TMEM120B: variants seen among roughly 807,000 people sequenced by gnomAD.
TMEM120B encodes transmembrane protein 120B.
In TMEM120B, 31 loss-of-function variants were observed where a neutral mutation model predicts 55.5. The observed-to-expected ratio is 0.56, with a 90% CI of 0.42 to 0.75. TMEM120B has a LOEUF of 0.75. TMEM120B is among the 30% of genes least tolerant of loss of function. The pLI, the probability that TMEM120B is intolerant of heterozygous loss-of-function variation, is 0.00. For synonymous variants in TMEM120B, 203 were observed against 176.3 expected, an observed-to-expected ratio of 1.15 and a Z score of -1.20; for missense variants, 399 against 425.5, an observed-to-expected ratio of 0.94 and a Z score of 0.55.
At chr12:121,738,052 A>C (rs138980528) in intron 1 of TMEM120B, among the ~76,000 whole-genome samples, 1,871 of 151,096 alleles carry the variant, frequency 0.012, 20 homozygotes, top group Non-Finnish European at 0.02. Flanking sequence ...ACAGTGGCTC[A>C]CACCTGTAAT....
chr12:121,773,321 C>A, intron 8 of TMEM120B, 100 bp from the exon 9 acceptor site: 1 of 1,077,112 alleles, frequency 9.3e-7, no homozygotes, highest in Non-Finnish European at 1.4e-6. Context: ...TCTGCTTCTG[C>A]CCAGTAAAGA....
At chr12:121,714,829 G>T (rs1207533179) in intron 1 of TMEM120B, among the ~76,000 whole-genome samples, 1 of 149,846 alleles carries the variant, frequency 6.7e-6, no homozygotes, top group African/African-American at 2.5e-5. Flanking sequence ...CAAAGTGCTG[G>T]GATTACAGTA....
intron 1 of TMEM120B, among the ~76,000 whole-genome samples, chr12:121,715,102 C>T (rs1894675703): frequency 6.6e-6 from 1 of 152,022 alleles, no homozygotes; most frequent in Non-Finnish European, 1.5e-5. Context: ...CTTTGGGAGA[C>T]CGAGGCGGGT....
Position 121,712,952 on chromosome 12 carries a change from T to C in TMEM120B, c.57T>C (p.Phe19=), listed in dbSNP as rs759434929. The part of the protein sequence containing the change: ...EREWHELEGE[F]QELQETHRIY... ...AATGGCACGAGCTGGAGGGAGAATT[T>C]CAAGAACTGCAGGTAGGGCCAGGCC... The change falls in exon 1 of 12, where the codon TTT becomes TTC. Residue 19 remains phenylalanine, a synonymous_variant. Coordinates refer to ENST00000449592, the MANE Select transcript of TMEM120B (RefSeq NM_001080825.2). The C allele has an allele frequency of 6.5e-7, 1 of 1,543,420 alleles. No individual in the cohort carries two copies. The highest frequency in any genetic ancestry group is 2.2e-5 in the Admixed American group (1 of 46,172).
At chr12:121,750,534 A>C in intron 4 of TMEM120B, 95 bp downstream of exon 4, 1 of 824,576 alleles carries the variant, frequency 1.2e-6, no homozygotes, top group Non-Finnish European at 1.9e-6. Flanking sequence ...CCCACACCCC[A>C]CATCCACACC....
At chr12:121,749,062 T>C (rs1873192646) in intron 3 of TMEM120B, among the ~76,000 whole-genome samples, 1 of 152,188 alleles carries the variant, frequency 6.6e-6, no homozygotes, top group Non-Finnish European at 1.5e-5. Context: ...GCACAGTCAG[T>C]TCACCCTGAC....
intron 9 of TMEM120B, 124 bp downstream of exon 9, chr12:121,773,637 G>A (rs1363483287): frequency 1.5e-6 from 1 of 683,130 alleles, no homozygotes. Context: ...TTTATCCGAA[G>A]CGCCTTCCAG....
intron 6 of TMEM120B, among the ~76,000 whole-genome samples, chr12:121,762,103 C>T (rs963397321): frequency 4.6e-5 from 7 of 152,006 alleles, no homozygotes; most frequent in African/African-American, 1.4e-4. Flanking sequence ...CCAGTCTGGC[C>T]AACATAGTGA....
intron 1 of TMEM120B, among the ~76,000 whole-genome samples, chr12:121,727,049 T>G (rs1894910044): frequency 6.8e-6 from 1 of 147,888 alleles, no homozygotes; most frequent in Non-Finnish European, 1.5e-5. Flanking sequence ...AATACAAAAA[T>G]TAGTCAGTTT....
intron 6 of TMEM120B, among the ~76,000 whole-genome samples, chr12:121,766,196 G>A (rs980133525): frequency 2.0e-5 from 3 of 152,098 alleles, no homozygotes; most frequent in Non-Finnish European, 4.4e-5. Flanking sequence ...GTGGTCAGGG[G>A]AGCAGGTAGG....
intron 1 of TMEM120B, among the ~76,000 whole-genome samples, chr12:121,716,419 G>C (rs185253970): frequency 1.3e-5 from 2 of 151,816 alleles, no homozygotes; most frequent in Admixed American, 1.3e-4. Context: ...TTTTCTACTA[G>C]AAAATCCTGG....
Position 121,779,404 on chromosome 12 carries a change from G to A in TMEM120B, c.*3682G>A. 2.2e-6 allele frequency: 3 copies of A among 1,354,888 alleles called. No individual in the cohort carries two copies. The East Asian group carries it at 7.0e-5, about 32-fold the overall frequency. 83.9% of individuals were successfully genotyped at this position (1,354,888 alleles called of 1,614,324 possible). A position where few individuals can be genotyped will look rare whatever the true frequency, so the allele number is the denominator to read the frequency against. On this transcript the variant is annotated 3_prime_UTR_variant, in exon 12 of 12. Coordinates refer to ENST00000449592, the MANE Select transcript of TMEM120B (RefSeq NM_001080825.2). The stretch of plus-strand genomic sequence containing the variant: ...TAGCCGCAGGCCCCAGACACCATGA[G>A]CTGGAGGGTCGGGATGGGGCAGCCT...
At chr12:121,738,921 T>C (rs1417535320) in intron 1 of TMEM120B, among the ~76,000 whole-genome samples, 2 of 152,126 alleles carry the variant, frequency 1.3e-5, no homozygotes, top group Non-Finnish European at 2.9e-5. Context: ...GCATGGTGGC[T>C]CATGCCTGTA....
chr12:121,744,223 C>T (rs147653552), intron 2 of TMEM120B, among the ~76,000 whole-genome samples: 58 of 152,138 alleles, frequency 3.8e-4, no homozygotes, highest in African/African-American at 1.3e-3. Context: ...TGTGCCTGGC[C>T]GAGAGTTTCT....
At chr12:121,773,186 A>G (rs1377424485) in intron 8 of TMEM120B, among the ~76,000 whole-genome samples, 1 of 152,184 alleles carries the variant, frequency 6.6e-6, no homozygotes, top group Non-Finnish European at 1.5e-5. Context: ...TGGGGCTTAG[A>G]TGGGTCCTCA....
Position 121,778,513 on chromosome 12 carries a change from G to C in TMEM120B, c.*2791G>C, listed in dbSNP as rs79867896. On this transcript the variant is annotated 3_prime_UTR_variant, in exon 12 of 12. Transcript: ENST00000449592. ...CCCAGACCTTCCCAAAGGAGGCTCA[G>C]GGATTAGGTATCTGGCTGTTGGTGA... The C allele has an allele frequency of 6.6e-6, 1 of 152,086 alleles. No individual in the cohort carries two copies. The highest frequency in any genetic ancestry group is 2.4e-5 in the African/African-American group (1 of 41,394). The allele number at this position is 152,086 out of a possible 1,614,324, so 9.4% of individuals were successfully genotyped here. A position where few individuals can be genotyped will look rare whatever the true frequency, so the allele number is the denominator to read the frequency against.
At chr12:121,773,398 C>A in intron 8 of TMEM120B, 23 bp from the exon 9 acceptor site, 1 of 1,598,460 alleles carries the variant, frequency 6.3e-7, no homozygotes, top group East Asian at 2.3e-5. Flanking sequence ...GCCCTGAGCC[C>A]AGGTGCTGTG....
In TMEM120B at chr12:121,778,193, C is replaced by A. The variant is rs886077844; in HGVS notation, c.*2471C>A. The A allele has an allele frequency of 6.6e-6, 1 of 152,282 alleles. No homozygotes were observed. The highest frequency in any genetic ancestry group is 2.4e-5 in the African/African-American group (1 of 41,430). 9.4% of individuals were successfully genotyped at this position (152,282 alleles called of 1,614,324 possible). On this transcript the variant is annotated 3_prime_UTR_variant, in exon 12 of 12. Coordinates refer to ENST00000449592, the MANE Select transcript of TMEM120B (RefSeq NM_001080825.2). Reference sequence around the variant, plus strand: ...CTGGGCCGGGCACGGTGGCTCACGCCTGTAATCCCAGCACTTTGGGAGGCT... The same window carrying A: ...CTGGGCCGGGCACGGTGGCTCACGCATGTAATCCCAGCACTTTGGGAGGCT...
chr12:121,751,353 C>T (rs1164402260), intron 4 of TMEM120B, among the ~76,000 whole-genome samples: 3 of 107,708 alleles, frequency 2.8e-5, no homozygotes, highest in African/African-American at 1.1e-4. Context: ...ACCCACACCC[C>T]ACCCCACACC....
Sources: allele counts gnomAD v4.1 joint callset (sites outside exome capture counted in the v4.1 genomes callset), GRCh38; gene constraint gnomAD v4.1.1; transcripts MANE v1.5; gene names NCBI Gene and HGNC (gene_info 2026-07-23, HGNC 2026-07-21).